SLC35F4: variants seen among roughly 807,000 people sequenced by gnomAD.
SLC35F4 encodes solute carrier family 35 member F4, also known as chromosome 14 open reading frame 36.
SLC35F4 carries 24 observed loss-of-function variants against 44.2 expected under a neutral mutation model. That is an observed-to-expected ratio of 0.54 (90% CI 0.39 to 0.76). The LOEUF is 0.76. Ranked by LOEUF, SLC35F4 falls within the 30% of genes least tolerant of loss-of-function variation. The pLI, the probability that SLC35F4 is intolerant of heterozygous loss-of-function variation, is 0.00. For synonymous variants in SLC35F4, 238 were observed against 223.6 expected (o/e 1.06, Z -0.57); for missense variants, 562 against 586.1 (o/e 0.96, Z 0.42).
intron 1 of SLC35F4, among the ~76,000 whole-genome samples, chr14:57,770,809 A>T (rs529468107): frequency 5.2e-4 from 79 of 152,330 alleles, no homozygotes; most frequent in African/African-American, 1.8e-3. Context: ...ACAATTTATT[A>T]TCGTGTAAGT....
At chr14:57,596,743 A>G in intron 1 of SLC35F4, 2 of 1,321,752 alleles carry the variant, frequency 1.5e-6, no homozygotes, top group Non-Finnish European at 2.0e-6. Flanking sequence ...AAGCCACACC[A>G]GTGATTTATC....
upstream of SLC35F4, among the ~76,000 whole-genome samples, chr14:57,870,195 T>TCTG (rs1888267033): frequency 1.3e-5 from 2 of 151,848 alleles, no homozygotes; most frequent in African/African-American, 4.8e-5. Flanking sequence ...TCTCGGTCTG[T>TCTG]TTTTCTGTCT....
intron 7 of SLC35F4, among the ~76,000 whole-genome samples, chr14:57,565,799 T>C (rs996954717): frequency 1.3e-5 from 2 of 152,232 alleles, no homozygotes; most frequent in African/African-American, 4.8e-5. Flanking sequence ...TTTGCTGCCC[T>C]GATCACATGA....
chr14:57,981,754 C>T (rs74426474), intron 1 of SLC35F4, among the ~76,000 whole-genome samples: 12,950 of 152,010 alleles, frequency 0.085, 691 homozygotes, highest in African/African-American at 0.14. Flanking sequence ...GTATATAGTT[C>T]GGAAAATAAA....
intron 3 of SLC35F4, among the ~76,000 whole-genome samples, chr14:57,582,423 A>G (rs2069351338): frequency 6.6e-6 from 1 of 152,126 alleles, no homozygotes; most frequent in Admixed American, 6.5e-5. Context: ...GCTGGTCTCA[A>G]ACTCTTAAGC....
chr14:57,603,994 T>G (rs2139999297), intron 1 of SLC35F4: 1 of 152,272 alleles, frequency 6.6e-6, no homozygotes, highest in Middle Eastern at 3.4e-3. Context: ...TTTAGGAAAA[T>G]TTTCTGGATT....
At chr14:57,789,446 G>A (rs1241298626) in intron 1 of SLC35F4, among the ~76,000 whole-genome samples, 1 of 152,082 alleles carries the variant, frequency 6.6e-6, no homozygotes, top group African/African-American at 2.4e-5. Context: ...ACTAAACCAG[G>A]AAGAAGTCCA....
intron 1 of SLC35F4, among the ~76,000 whole-genome samples, chr14:57,944,740 AAAGAAAGAAAG>A (rs1458405410): frequency 1.9e-4 from 26 of 138,270 alleles, no homozygotes; most frequent in African/African-American, 5.4e-4. Context: ...AGAAAGAAAG[AAAGAAAGAAAG>A]AAGAAAGGAA....
At chr14:57,661,351 C>T (rs1425988894) in intron 1 of SLC35F4, among the ~76,000 whole-genome samples, 2 of 152,156 alleles carry the variant, frequency 1.3e-5, no homozygotes, top group African/African-American at 4.8e-5. Context: ...AGGCACTGCT[C>T]CTGTGTCTTC....
chr14:57,782,562 C>T (rs1042017665), intron 1 of SLC35F4, among the ~76,000 whole-genome samples: 8 of 152,134 alleles, frequency 5.3e-5, no homozygotes, highest in East Asian at 1.9e-4. Context: ...TAAATAAAGA[C>T]AGAGCATTAA....
chr14:57,581,122 G>T, intron 4 of SLC35F4, 92 bp downstream of exon 4: 3 of 1,309,070 alleles, frequency 2.3e-6, no homozygotes, highest in Non-Finnish European at 3.0e-6. Context: ...AAGTTTTACA[G>T]CAACTCCACG....
chr14:57,801,226 G>C (rs904738168), intron 1 of SLC35F4, among the ~76,000 whole-genome samples: 5 of 152,174 alleles, frequency 3.3e-5, no homozygotes, highest in Non-Finnish European at 5.9e-5. Context: ...CATTCTGAAA[G>C]AAAAGAATTT....
At chr14:57,875,825 G>T (rs1445625593) in intron 1 of SLC35F4, among the ~76,000 whole-genome samples, 1 of 152,158 alleles carries the variant, frequency 6.6e-6, no homozygotes, top group Non-Finnish European at 1.5e-5. Context: ...AACAATTGTG[G>T]CCATTCTTGG....
chr14:57,588,705 C>T (rs760933055), intron 3 of SLC35F4, among the ~76,000 whole-genome samples: 29 of 152,266 alleles, frequency 1.9e-4, no homozygotes, highest in African/African-American at 2.2e-4. Flanking sequence ...CCAAACTCCC[C>T]GTTGCATGAA....
chr14:57,600,989 T>C (rs968870532), intron 1 of SLC35F4, among the ~76,000 whole-genome samples: 3 of 152,122 alleles, frequency 2.0e-5, no homozygotes, highest in Non-Finnish European at 4.4e-5. Context: ...TAGAAACTTT[T>C]CATTTCAATT....
intron 1 of SLC35F4, among the ~76,000 whole-genome samples, chr14:57,639,380 T>C (rs935865763): frequency 2.0e-5 from 3 of 151,996 alleles, no homozygotes; most frequent in Non-Finnish European, 4.4e-5. Context: ...CACAGAAGAT[T>C]CATTGAGAAG....
At chr14:57,642,623 TA>T (rs1374375990) in intron 1 of SLC35F4, among the ~76,000 whole-genome samples, 3 of 151,970 alleles carry the variant, frequency 2.0e-5, no homozygotes, top group African/African-American at 4.8e-5. Flanking sequence ...TCAATGTTGA[TA>T]TTTTTTTCCA....
At chr14:57,874,524 G>A (rs751078733) in intron 1 of SLC35F4, among the ~76,000 whole-genome samples, 74 of 152,138 alleles carry the variant, frequency 4.9e-4, no homozygotes, top group Admixed American at 2.4e-3. Context: ...GTAATAACTT[G>A]CCCAGTGCAA....
chr14:57,902,058 G>C (rs1889012045), intron 1 of SLC35F4, among the ~76,000 whole-genome samples: 1 of 152,106 alleles, frequency 6.6e-6, no homozygotes. Context: ...AAAAGTTCAG[G>C]TGCCAACACC....
Sources: gnomAD v4.1 joint callset for allele counts (sites outside exome capture counted in the v4.1 genomes callset) on GRCh38, gnomAD v4.1.1 for gene constraint, MANE v1.5 for transcripts, NCBI Gene and HGNC (gene_info 2026-07-23, HGNC 2026-07-21) for gene names.